The following BCL11A variants were observed in gnomAD, a reference collection of about 807,000 sequenced individuals.
BCL11A encodes the protein BCL11 transcription factor A, also known as B cell CLL/lymphoma 11A.
Under a neutral mutation model 55.9 loss-of-function variants are expected in BCL11A, and 2 were observed. That is an observed-to-expected ratio of 0.04 (90% CI 0.01 to 0.11). BCL11A has a LOEUF of 0.11. BCL11A is among the 10% of genes least tolerant of loss of function. BCL11A has a pLI of 1.00. For missense variants in BCL11A, 817 were observed against 1,137.1 expected, an observed-to-expected ratio of 0.72 and a Z score of 4.05; for synonymous variants, 465 against 473.4, an observed-to-expected ratio of 0.98 and a Z score of 0.23.
intron 2 of BCL11A, among the ~76,000 whole-genome samples, chr2:60,530,170 G>T (rs182381979): frequency 6.6e-6 from 1 of 152,000 alleles, no homozygotes. Context: ...TTTGCCATCG[G>T]TCCTGGGTCC....
At chr2:60,471,256 C>T (rs1308040395) in intron 2 of BCL11A, among the ~76,000 whole-genome samples, 2 of 152,234 alleles carry the variant, frequency 1.3e-5, no homozygotes, top group Non-Finnish European at 2.9e-5. Flanking sequence ...CAGAATTAGA[C>T]AGCTAAAAAC....
At chr2:60,521,185 CT>C (rs1391701538) in intron 2 of BCL11A, among the ~76,000 whole-genome samples, 10 of 152,184 alleles carry the variant, frequency 6.6e-5, no homozygotes, top group African/African-American at 2.2e-4. Flanking sequence ...CCATTGTCTA[CT>C]GCCAGTGAAG....
At chr2:60,456,778 T>G (rs1675958439), downstream of BCL11A, among the ~76,000 whole-genome samples, 1 of 152,178 alleles carries the variant, frequency 6.6e-6, no homozygotes, top group African/African-American at 2.4e-5. Flanking sequence ...CTTTTTTACA[T>G]TATGTTCTAA....
intron 2 of BCL11A, among the ~76,000 whole-genome samples, chr2:60,486,076 C>T (rs1678259892): frequency 6.6e-6 from 1 of 152,164 alleles, no homozygotes; most frequent in South Asian, 2.1e-4. Context: ...ATCTCCAAGC[C>T]CCTTGTTCTA....
chr2:60,490,073 C>T (rs1400202064), intron 2 of BCL11A, among the ~76,000 whole-genome samples: 5 of 152,130 alleles, frequency 3.3e-5, no homozygotes, highest in Admixed American at 1.3e-4. Flanking sequence ...GAAAGCTTTC[C>T]AAGATTTAAA....
rs202056109 is a variant in BCL11A at position 60,531,467 on chromosome 2, A to AAATG, written c.385+14500_385+14503dup. ...TACGGAATGCATTAATTATAACTAC[A>AAATG]AATGGTCAAATGAGAGCAAGGTCCC... On this transcript the variant is annotated intron_variant, in intron 2 of 3. Transcript: ENST00000642384. Among the ~76,000 whole-genome samples the AAATG allele has an allele frequency of 3.5e-4, 54 of 152,370 alleles. No individual in the cohort carries two copies. In the East Asian group the frequency reaches 8.3e-3, roughly 23 times the overall value.
At chr2:60,453,451 G>A (rs1333990354), downstream of BCL11A, among the ~76,000 whole-genome samples, 1 of 152,208 alleles carries the variant, frequency 6.6e-6, no homozygotes. Flanking sequence ...CCCGAAGCAG[G>A]GGCCTGGGGC....
At chr2:60,499,905 A>T (rs1679185224) in intron 2 of BCL11A, 1 of 152,390 alleles carries the variant, frequency 6.6e-6, no homozygotes, top group South Asian at 2.1e-4. Flanking sequence ...GACCTCAAGC[A>T]GGACTAAGAT....
rs1419239947 is a variant in BCL11A at position 60,460,861 on chromosome 2, A to G, written c.2051T>C (p.Phe684Ser). Residue 684 changes from phenylalanine (F) to serine (S), a missense_variant, in exon 4 of 4, where the codon TTT becomes TCT. By Grantham distance (155) the Phe-to-Ser change is radical. Around this residue, in one of 4 missense-constraint regions of BCL11A, gnomAD observed 379 missense variants for 425.3 expected, o/e 0.89. Coordinates refer to ENST00000642384, the MANE Select transcript of BCL11A (RefSeq NM_022893.4). ...LSFGDSRQSP[F>S]ASSSEHSSEN... Reference sequence around the variant, plus strand: ...CGAGGAGTGCTCCGACGAGGAGGCAAAAGGCGATTGTCTGGAGTCTCCGAA... The same window carrying G: ...CGAGGAGTGCTCCGACGAGGAGGCAGAAGGCGATTGTCTGGAGTCTCCGAA... 1 of 1,613,160 alleles carries G rather than the reference A, an allele frequency of 6.2e-7. No homozygotes were observed. Among genetic ancestry groups the G allele is most frequent in the Non-Finnish European group, 8.5e-7 (1 of 1,179,978 alleles).
rs1675994767 is a variant in BCL11A, at chr2:60,457,535, T to C, written c.*2869A>G. Reference sequence around the variant, plus strand: ...ATAGAAAAGGCCAATAACAAAATATTCTGCATTGCCATTTACAAAAAAGTA... The same window carrying C: ...ATAGAAAAGGCCAATAACAAAATATCCTGCATTGCCATTTACAAAAAAGTA... On this transcript the variant is annotated 3_prime_UTR_variant, in exon 4 of 4. Transcript: ENST00000642384. 1 of 1,046,684 alleles carries C rather than the reference T, an allele frequency of 9.6e-7. No individual in the cohort carries two copies. The highest frequency in any genetic ancestry group is 1.2e-6 in the Non-Finnish European group (1 of 867,156). The allele number at this position is 1,046,684 out of a possible 1,614,324, so 64.8% of individuals were successfully genotyped here. A position where few individuals can be genotyped will look rare whatever the true frequency, so the allele number is the denominator to read the frequency against.
upstream of BCL11A, chr2:60,553,837 G>C (rs2104804848): frequency 6.8e-6 from 1 of 147,580 alleles, no homozygotes; most frequent in Admixed American, 6.7e-5. Flanking sequence ...CCCGGGGGAG[G>C]GGCGGGCCGA....
intron 2 of BCL11A, chr2:60,522,659 A>G (rs1669043054): frequency 6.6e-6 from 1 of 152,208 alleles, no homozygotes; most frequent in African/African-American, 2.4e-5. Flanking sequence ...TCCCACATCG[A>G]CTGCCCCACA....
chr2:60,473,099 C>T (rs1677303373), intron 2 of BCL11A, among the ~76,000 whole-genome samples: 1 of 148,724 alleles, frequency 6.7e-6, no homozygotes, highest in African/African-American at 2.4e-5. Context: ...TGTGTGTATG[C>T]TTGTGCATGT....
chr2:60,479,583 G>A (rs1230995930), intron 2 of BCL11A, among the ~76,000 whole-genome samples: 1 of 152,170 alleles, frequency 6.6e-6, no homozygotes, highest in African/African-American at 2.4e-5. Context: ...ACAGATCTCA[G>A]CTGCCATCGC....
intron 2 of BCL11A, among the ~76,000 whole-genome samples, chr2:60,515,888 C>A (rs1469806751): frequency 1.3e-5 from 2 of 152,228 alleles, no homozygotes; most frequent in African/African-American, 4.8e-5. Flanking sequence ...CCAGGCTGCG[C>A]TGAACAGGAA....
chr2:60,541,467 G>A (rs1414591568), intron 2 of BCL11A, among the ~76,000 whole-genome samples: 1 of 152,168 alleles, frequency 6.6e-6, no homozygotes. Flanking sequence ...CAATCACTGT[G>A]ACAGTTCTAT....
At chr2:60,551,717 A>T (rs905091953) in intron 1 of BCL11A, among the ~76,000 whole-genome samples, 1 of 151,810 alleles carries the variant, frequency 6.6e-6, no homozygotes, top group African/African-American at 2.4e-5. Context: ...GCGGACCAGG[A>T]CCACGGGCCA....
In BCL11A at chr2:60,459,447, A is replaced by G; in HGVS notation, c.*957T>C. 9.8e-7 allele frequency: 1 copy of G among 1,022,108 alleles called. No homozygotes were observed. Among genetic ancestry groups the G allele is most frequent in the African/African-American group, 1.7e-5 (1 of 58,758 alleles). The allele number at this position is 1,022,108 out of a possible 1,614,324, so 63.3% of individuals were successfully genotyped here. A position where few individuals can be genotyped will look rare whatever the true frequency, so the allele number is the denominator to read the frequency against. ...TCTTTTAAGCTCTCACCAGGAGCAA[A>G]GTAGCTTTTATACTGGTATAATCAG... On this transcript the variant is annotated 3_prime_UTR_variant, in exon 4 of 4. Coordinates refer to ENST00000642384, the MANE Select transcript of BCL11A (RefSeq NM_022893.4).
Position 60,458,896 on chromosome 2 carries a change from C to T in BCL11A, c.*1508G>A. ...AAAATAAAAATAAAAACAATGAATC[C>T]TCTTCCATGTTAACACAAATAGCAC... On this transcript the variant is annotated 3_prime_UTR_variant, in exon 4 of 4. Coordinates refer to ENST00000642384, the MANE Select transcript of BCL11A (RefSeq NM_022893.4). The T allele has an allele frequency of 9.7e-7, 1 of 1,031,850 alleles. No individual in the cohort carries two copies. The highest frequency in any genetic ancestry group is 1.2e-6 in the Non-Finnish European group (1 of 857,188). 63.9% of individuals were successfully genotyped at this position (1,031,850 alleles called of 1,614,324 possible). A position where few individuals can be genotyped will look rare whatever the true frequency, so the allele number is the denominator to read the frequency against.
Sources: gnomAD v4.1 joint callset for allele counts (sites outside exome capture counted in the v4.1 genomes callset) on GRCh38, gnomAD v4.1.1 for gene constraint, gnomAD v4.1.1 regional missense constraint, MANE v1.5 for transcripts, NCBI Gene and HGNC (gene_info 2026-07-23, HGNC 2026-07-21) for gene names.